Variants in N4BP1 observed in about 807,000 individuals in gnomAD.
The protein encoded by N4BP1 is NEDD4 binding protein 1.
In N4BP1, 21 loss-of-function variants were observed where a neutral mutation model predicts 70.9. The observed-to-expected ratio is 0.30, with a 90% CI of 0.21 to 0.43. N4BP1 has a LOEUF of 0.43. Ranked by LOEUF, N4BP1 falls within the 20% of genes least tolerant of loss-of-function variation. The probability of loss-of-function intolerance (pLI) is 1.00; values close to 1 mark genes in which losing one functional copy is unlikely to be tolerated. For missense variants in N4BP1, 936 were observed against 1,069.4 expected (o/e 0.88, Z 1.74); for synonymous variants, 387 against 394.6 (o/e 0.98, Z 0.23).
At chr16:48,584,328 G>A (rs576231027) in intron 1 of N4BP1, among the ~76,000 whole-genome samples, 1 of 152,308 alleles carries the variant, frequency 6.6e-6, no homozygotes, top group South Asian at 2.1e-4. Context: ...ATCTGGACCA[G>A]TTATGTGTTT....
chr16:48,546,673 ATTT>A (rs1283764261), intron 5 of N4BP1: 1 of 153,742 alleles, frequency 6.5e-6, no homozygotes, highest in East Asian at 1.9e-4. Context: ...TGAAAATAAT[ATTT>A]TTAAAAAGGA....
At position 48,542,845 on chromosome 16, in the gene N4BP1, G is replaced by A; in HGVS notation, c.*59C>T. 2.2e-6 allele frequency: 3 copies of A among 1,394,928 alleles called. No individual in the cohort carries two copies. Among genetic ancestry groups the A allele is most frequent in the Admixed American group, 1.9e-5 (1 of 51,994 alleles). 86.4% of individuals were successfully genotyped at this position (1,394,928 alleles called of 1,614,324 possible). A position where few individuals can be genotyped will look rare whatever the true frequency, so the allele number is the denominator to read the frequency against. On this transcript the variant is annotated 3_prime_UTR_variant, in exon 7 of 7. Coordinates refer to ENST00000262384, the MANE Select transcript of N4BP1 (RefSeq NM_153029.4). Reference sequence around the variant, plus strand: ...TTATGTTCATTCCCATCAGGTACAGGTGTGAGCTTGAGTTTGATCAGCCAG... The same window carrying A: ...TTATGTTCATTCCCATCAGGTACAGATGTGAGCTTGAGTTTGATCAGCCAG...
Position 48,538,938 on chromosome 16 carries a change from T to C in N4BP1, c.*3966A>G, listed in dbSNP as rs1277765594. 1 of 152,126 alleles carries C rather than the reference T, an allele frequency of 6.6e-6. No homozygotes were observed. The highest frequency in any genetic ancestry group is 6.6e-5 in the Admixed American group (1 of 15,250). 9.4% of individuals were successfully genotyped at this position (152,126 alleles called of 1,614,324 possible). A position where few individuals can be genotyped will look rare whatever the true frequency, so the allele number is the denominator to read the frequency against. Reference sequence around the variant, plus strand: ...AAAGTGCTGTGCGGTCACAACATCATGGGGATGCTTCTGGCAGAAGCACTG... The same window carrying C: ...AAAGTGCTGTGCGGTCACAACATCACGGGGATGCTTCTGGCAGAAGCACTG... On this transcript the variant is annotated 3_prime_UTR_variant, in exon 7 of 7. Transcript: ENST00000262384.
intron 1 of N4BP1, among the ~76,000 whole-genome samples, chr16:48,585,848 A>G (rs1169889492): frequency 1.3e-5 from 2 of 151,936 alleles, no homozygotes; most frequent in Non-Finnish European, 2.9e-5. Flanking sequence ...GGCAGACACC[A>G]CCATGCCCAG....
intron 5 of N4BP1, among the ~76,000 whole-genome samples, chr16:48,547,145 A>G (rs1450453787): frequency 3.3e-5 from 5 of 152,266 alleles, no homozygotes; most frequent in Non-Finnish European, 7.3e-5. Flanking sequence ...AATAACAGGC[A>G]AGGTGCAACT....
chr16:48,604,756 AT>A lies in N4BP1; in HGVS notation c.198+5018del, dbSNP rs1261420616. 4.0e-4 allele frequency among the ~76,000 whole-genome samples: 61 copies of A among 152,190 alleles called. 2 individuals are homozygous for A. The highest frequency in any genetic ancestry group is 3.9e-3 in the Admixed American group (59 of 15,276). On this transcript the variant is annotated intron_variant, in intron 1 of 6. Coordinates refer to ENST00000262384, the MANE Select transcript of N4BP1 (RefSeq NM_153029.4). ...TAATTCGATGAATTCGATGTGTATG[AT>A]TTTTAAAATGTAAATTAGTGACCAC...
chr16:48,554,966 C>G (rs1212425758), intron 2 of N4BP1, among the ~76,000 whole-genome samples: 1 of 152,224 alleles, frequency 6.6e-6, no homozygotes, highest in Non-Finnish European at 1.5e-5. Flanking sequence ...CCAAGTGACC[C>G]TCCCACTACC....
intron 6 of N4BP1, among the ~76,000 whole-genome samples, chr16:48,545,572 C>A (rs1166590463): frequency 1.3e-5 from 2 of 151,470 alleles, no homozygotes; most frequent in East Asian, 3.9e-4. Flanking sequence ...GAGTGAAATT[C>A]CATCTCAAAA....
intron 1 of N4BP1, among the ~76,000 whole-genome samples, chr16:48,581,062 A>T (rs1271125105): frequency 6.6e-6 from 1 of 152,172 alleles, no homozygotes; most frequent in Non-Finnish European, 1.5e-5. Context: ...ATTCAATAAC[A>T]CATTAAAAAG....
At chr16:48,557,348 C>G (rs1963770475) in intron 2 of N4BP1, among the ~76,000 whole-genome samples, 1 of 152,164 alleles carries the variant, frequency 6.6e-6, no homozygotes. Flanking sequence ...ACCTTAACTT[C>G]TGCTGGAGGA....
Position 48,544,043 on chromosome 16 carries a change from A to T in N4BP1, c.2334-782T>A, listed in dbSNP as rs111389729. 2.3e-3 allele frequency among the ~76,000 whole-genome samples: 352 copies of T among 152,330 alleles called. 2 individuals are homozygous for T. Among genetic ancestry groups the T allele is most frequent in the African/African-American group, 8.2e-3 (339 of 41,582 alleles). On this transcript the variant is annotated intron_variant, in intron 6 of 6. Coordinates refer to ENST00000262384, the MANE Select transcript of N4BP1 (RefSeq NM_153029.4). ...CTGGTAACTCTGACCCGCGGACCTG[A>T]TTGATGCTCTGACACAGGCCTCGGG... is the stretch of plus-strand genomic sequence containing the variant.
intron 1 of N4BP1, among the ~76,000 whole-genome samples, chr16:48,605,211 T>C (rs1288812580): frequency 6.6e-6 from 1 of 152,148 alleles, no homozygotes; most frequent in Non-Finnish European, 1.5e-5. Context: ...TTTGTAATTT[T>C]AGTAGAGACA....
intron 1 of N4BP1, among the ~76,000 whole-genome samples, chr16:48,596,590 G>A (rs999467442): frequency 3.9e-5 from 6 of 152,156 alleles, no homozygotes; most frequent in African/African-American, 1.4e-4. Flanking sequence ...TGTAACTGAG[G>A]AAATTATGAC....
chr16:48,573,147 A>G (rs901735249), intron 1 of N4BP1, among the ~76,000 whole-genome samples: 2 of 151,914 alleles, frequency 1.3e-5, no homozygotes, highest in Non-Finnish European at 1.5e-5. Flanking sequence ...TCAGGAAAAA[A>G]TTAAAAGTTG....
chr16:48,583,877 G>A, intron 1 of N4BP1, among the ~76,000 whole-genome samples: 1 of 152,174 alleles, frequency 6.6e-6, no homozygotes. Flanking sequence ...AGTGTCCCCA[G>A]AAGGGCACTT....
At chr16:48,566,377 G>A (rs1304084971) in intron 1 of N4BP1, among the ~76,000 whole-genome samples, 1 of 152,166 alleles carries the variant, frequency 6.6e-6, no homozygotes, top group Non-Finnish European at 1.5e-5. Flanking sequence ...TTAAGTGGCA[G>A]AAGTTTCCCT....
intron 1 of N4BP1, among the ~76,000 whole-genome samples, chr16:48,586,598 G>A (rs75513413): frequency 0.014 from 2,109 of 152,200 alleles, 49 homozygotes; most frequent in African/African-American, 0.049. Context: ...AATCCACATC[G>A]TTACATGTAT....
intron 1 of N4BP1, among the ~76,000 whole-genome samples, chr16:48,595,618 T>C (rs930712366): frequency 6.6e-6 from 1 of 152,166 alleles, no homozygotes; most frequent in Non-Finnish European, 1.5e-5. Flanking sequence ...TAACTTATGG[T>C]GATATAGTTA....
At chr16:48,593,812 C>G (rs1964371251) in intron 1 of N4BP1, among the ~76,000 whole-genome samples, 1 of 152,038 alleles carries the variant, frequency 6.6e-6, no homozygotes. Flanking sequence ...GAGTTTGAGA[C>G]TAGCCTGACC....
Sources: allele counts gnomAD v4.1 joint callset (sites outside exome capture counted in the v4.1 genomes callset), GRCh38; gene constraint gnomAD v4.1.1; transcripts MANE v1.5; gene names NCBI Gene and HGNC (gene_info 2026-07-23, HGNC 2026-07-21).